The following C5orf24 variants were observed in gnomAD, a reference collection of about 807,000 sequenced individuals.
C5orf24 encodes the protein UPF0461 protein C5orf24.
Under a neutral mutation model 9.8 loss-of-function variants are expected in C5orf24, and 4 were observed. The observed-to-expected ratio is 0.41, with a 90% CI of 0.20 to 0.93. The LOEUF is 0.93. C5orf24 is among the 40% of genes least tolerant of loss of function. The pLI is 0.33. For synonymous variants in C5orf24, 73 were observed against 81.3 expected (o/e 0.90, Z 0.55); for missense variants, 170 against 236.9 (o/e 0.72, Z 1.85).
At chr5:134,842,253 G>A (rs1580834633), upstream of C5orf24, among the ~76,000 whole-genome samples, 1 of 152,126 alleles carries the variant, frequency 6.6e-6, no homozygotes, top group East Asian at 1.9e-4. Context: ...ACTTTGGGAG[G>A]CCGAGGTGGG....
the C5orf24 span, among the ~76,000 whole-genome samples, chr5:134,834,499 A>G: frequency 3.3e-5 from 5 of 152,154 alleles, no homozygotes; most frequent in African/African-American, 1.2e-4. Flanking sequence ...CCTATCCCCA[A>G]ACCAGCCCTC....
the C5orf24 span, among the ~76,000 whole-genome samples, chr5:134,838,493 C>T: frequency 3.9e-5 from 6 of 151,976 alleles, no homozygotes; most frequent in African/African-American, 1.4e-4. Context: ...CATGATGAAA[C>T]GCCGTCTCTA....
upstream of C5orf24, among the ~76,000 whole-genome samples, chr5:134,843,474 T>C (rs547455963): frequency 1.3e-5 from 2 of 151,920 alleles, no homozygotes; most frequent in East Asian, 3.9e-4. Context: ...CGCTTGGTCA[T>C]CCAGGCTGGA....
Position 134,856,793 on chromosome 5 carries a change from A to T in C5orf24, c.*1326A>T. On this transcript the variant is annotated 3_prime_UTR_variant, in exon 2 of 2. Coordinates refer to ENST00000394976, the MANE Select transcript of C5orf24 (RefSeq NM_001135586.1). ...TTCAGGTTGATATCTACCAAAGGAC[A>T]CAAATTGAATGGTAGACTGTAAAAC... 1 of 1,000,248 alleles carries T rather than the reference A, an allele frequency of 1.0e-6. No individual in the cohort carries two copies. Among genetic ancestry groups the T allele is most frequent in the Non-Finnish European group, 1.2e-6 (1 of 829,918 alleles). 62.0% of individuals were successfully genotyped at this position (1,000,248 alleles called of 1,614,324 possible).
chr5:134,852,888 G>A (rs1445059881), intron 1 of C5orf24, among the ~76,000 whole-genome samples: 1 of 151,230 alleles, frequency 6.6e-6, no homozygotes, highest in Non-Finnish European at 1.5e-5. Context: ...AATACAGTCC[G>A]GGCACGGTGG....
chr5:134,835,573 G>C, the C5orf24 span, among the ~76,000 whole-genome samples: 1 of 152,230 alleles, frequency 6.6e-6, no homozygotes, highest in Admixed American at 6.5e-5. Flanking sequence ...CATGAATCCA[G>C]GAGGTGGAGG....
At chr5:134,847,894 C>A (rs1756040790) in intron 1 of C5orf24, among the ~76,000 whole-genome samples, 1 of 152,048 alleles carries the variant, frequency 6.6e-6, no homozygotes, top group Non-Finnish European at 1.5e-5. Flanking sequence ...GAGAGGGTTT[C>A]GCTGTGTTAT....
intron 1 of C5orf24, among the ~76,000 whole-genome samples, chr5:134,848,694 C>A (rs1197133024): frequency 6.9e-6 from 1 of 145,006 alleles, no homozygotes; most frequent in Non-Finnish European, 1.5e-5. Context: ...GGGCGTGGTG[C>A]CTCACGCCTG....
the C5orf24 span, among the ~76,000 whole-genome samples, chr5:134,838,998 C>T: frequency 6.6e-6 from 1 of 151,922 alleles, no homozygotes; most frequent in Non-Finnish European, 1.5e-5. Context: ...CACTTGAGCC[C>T]AGGACTTCAA....
chr5:134,837,383 G>A, the C5orf24 span, among the ~76,000 whole-genome samples: 1 of 152,134 alleles, frequency 6.6e-6, no homozygotes, highest in Non-Finnish European at 1.5e-5. Flanking sequence ...CTTAAAGCAC[G>A]TAAAAATAGT....
chr5:134,849,463 A>C (rs999146392), intron 1 of C5orf24, among the ~76,000 whole-genome samples: 3 of 152,042 alleles, frequency 2.0e-5, no homozygotes, highest in African/African-American at 7.2e-5. Flanking sequence ...ATAGGAAAGG[A>C]TTGGTTTTAG....
At chr5:134,841,700 C>T (rs1755895955), upstream of C5orf24, among the ~76,000 whole-genome samples, 1 of 152,214 alleles carries the variant, frequency 6.6e-6, no homozygotes, top group Non-Finnish European at 1.5e-5. Context: ...GATGGCAACT[C>T]TAACATCACA....
intron 1 of C5orf24, among the ~76,000 whole-genome samples, chr5:134,850,023 A>C (rs965261603): frequency 5.3e-5 from 8 of 152,176 alleles, no homozygotes; most frequent in Middle Eastern, 3.2e-3. Flanking sequence ...TGTGCTTAGA[A>C]TAGTGTTTTG....
intron 1 of C5orf24, among the ~76,000 whole-genome samples, chr5:134,847,404 T>C (rs966390970): frequency 6.6e-6 from 1 of 151,992 alleles, no homozygotes; most frequent in East Asian, 1.9e-4. Context: ...CAAGCAATTC[T>C]CCTGCCTCAG....
intron 1 of C5orf24, among the ~76,000 whole-genome samples, chr5:134,850,919 C>CATATATATATATATATATATAT (rs201093286): frequency 2.0e-3 from 284 of 140,348 alleles, no homozygotes; most frequent in African/African-American, 7.4e-3. Flanking sequence ...TATGAATGTT[C>CATATATATATATATATATATAT]ATATATATAT....
Position 134,856,368 on chromosome 5 carries a change from G to C in C5orf24, c.*901G>C. The C allele has an allele frequency of 1.0e-6, 1 of 980,302 alleles. No individual in the cohort carries two copies. 60.7% of individuals were successfully genotyped at this position (980,302 alleles called of 1,614,324 possible). A position where few individuals can be genotyped will look rare whatever the true frequency, so the allele number is the denominator to read the frequency against. On this transcript the variant is annotated 3_prime_UTR_variant, in exon 2 of 2. Transcript: ENST00000394976. The stretch of plus-strand genomic sequence containing the variant: ...GTATTATGTTTAAAAACATTTATTG[G>C]CTGGGTGTGGTGGCTCACACCCAGC...
chr5:134,849,454 TAGGAA>T (rs1268174434), intron 1 of C5orf24, among the ~76,000 whole-genome samples: 7 of 152,190 alleles, frequency 4.6e-5, no homozygotes, highest in East Asian at 1.9e-4. Context: ...AGTCTGAAAA[TAGGAA>T]AGGATTGGTT....
chr5:134,842,681 A>T (rs1020712560), upstream of C5orf24, among the ~76,000 whole-genome samples: 4 of 151,972 alleles, frequency 2.6e-5, no homozygotes, highest in African/African-American at 9.7e-5. Flanking sequence ...TGGTGGCTAG[A>T]TCTCCTTCTA....
At chr5:134,849,850 G>T (rs143748707) in intron 1 of C5orf24, among the ~76,000 whole-genome samples, 1,610 of 151,746 alleles carry the variant, frequency 0.011, 29 homozygotes, top group Non-Finnish European at 0.015. Context: ...TAGTGACGGG[G>T]TTTCTCCCTG....
Sources: allele counts gnomAD v4.1 joint callset (sites outside exome capture counted in the v4.1 genomes callset), GRCh38; gene constraint gnomAD v4.1.1; transcripts MANE v1.5; gene names NCBI Gene and HGNC (gene_info 2026-07-23, HGNC 2026-07-21).